PTPRD: variants seen among roughly 807,000 people sequenced by gnomAD.
The protein encoded by PTPRD is receptor-type tyrosine-protein phosphatase delta.
In PTPRD, 34 loss-of-function variants were observed where a neutral mutation model predicts 214.5. The observed-to-expected ratio is 0.16, with a 90% CI of 0.12 to 0.21. PTPRD has a LOEUF of 0.21. Ranked by LOEUF, PTPRD falls within the 10% of genes least tolerant of loss-of-function variation. The pLI, the probability that PTPRD is intolerant of heterozygous loss-of-function variation, is 1.00. For synonymous variants in PTPRD, 1,128 were observed against 845.7 expected (o/e 1.33, Z -5.79); for missense variants, 2,545 against 2,398.7 (o/e 1.06, Z -1.27).
intron 8 of PTPRD, among the ~76,000 whole-genome samples, chr9:9,563,514 T>C (rs2083495263): frequency 6.6e-6 from 1 of 152,150 alleles, no homozygotes; most frequent in East Asian, 1.9e-4. Flanking sequence ...AATACTGTGA[T>C]TGCTGAAGAA....
At chr9:8,365,169 A>C (rs2079508994) in intron 39 of PTPRD, among the ~76,000 whole-genome samples, 2 of 152,152 alleles carry the variant, frequency 1.3e-5, no homozygotes, top group Non-Finnish European at 2.9e-5. Context: ...AGAAGGCTGC[A>C]GGAGGGGAAG....
intron 4 of PTPRD, among the ~76,000 whole-genome samples, chr9:9,942,847 A>G (rs2091835467): frequency 1.3e-5 from 2 of 151,836 alleles, no homozygotes; most frequent in Non-Finnish European, 2.9e-5. Flanking sequence ...TACATTTTCA[A>G]AATGAATGAA....
At chr9:9,724,826 C>G (rs2098047803) in intron 7 of PTPRD, among the ~76,000 whole-genome samples, 1 of 152,082 alleles carries the variant, frequency 6.6e-6, no homozygotes, top group Admixed American at 6.6e-5. Flanking sequence ...CAAGTTCATG[C>G]AGGTAACAAG....
chr9:8,356,968 T>G (rs2077127234), intron 39 of PTPRD, among the ~76,000 whole-genome samples: 1 of 152,180 alleles, frequency 6.6e-6, no homozygotes, highest in Non-Finnish European at 1.5e-5. Flanking sequence ...AGTGGCAGCA[T>G]CTGAAAATCT....
chr9:10,021,396 G>A (rs1306822314), intron 4 of PTPRD, among the ~76,000 whole-genome samples: 1 of 16,582 alleles, frequency 6.0e-5, no homozygotes, highest in Non-Finnish European at 1.1e-4. Context: ...TAATCACGGT[G>A]TAGCTTAGGT....
At chr9:9,298,072 G>T (rs992175781) in intron 9 of PTPRD, among the ~76,000 whole-genome samples, 1 of 151,642 alleles carries the variant, frequency 6.6e-6, no homozygotes, top group African/African-American at 2.4e-5. Context: ...ATGGGTAAAA[G>T]AAAACTCCAC....
At chr9:10,529,520 G>A (rs527315741) in intron 2 of PTPRD, among the ~76,000 whole-genome samples, 1 of 147,348 alleles carries the variant, frequency 6.8e-6, no homozygotes, top group Admixed American at 7.0e-5. Context: ...GTTGAACAAT[G>A]AGAACATATG....
chr9:9,773,655 A>G (rs1055827399), intron 5 of PTPRD, among the ~76,000 whole-genome samples: 5 of 152,204 alleles, frequency 3.3e-5, no homozygotes, highest in Non-Finnish European at 2.9e-5. Context: ...TCTCCAAGTG[A>G]GAGTTTAGCA....
At chr9:9,274,037 C>T (rs898542947) in intron 9 of PTPRD, among the ~76,000 whole-genome samples, 5 of 151,198 alleles carry the variant, frequency 3.3e-5, no homozygotes, top group Non-Finnish European at 7.4e-5. Flanking sequence ...ATGAAACTGC[C>T]TCTTTTATGA....
At chr9:9,764,825 C>A (rs968262734) in intron 6 of PTPRD, among the ~76,000 whole-genome samples, 1 of 152,130 alleles carries the variant, frequency 6.6e-6, no homozygotes, top group Non-Finnish European at 1.5e-5. Flanking sequence ...CCCCAACTGC[C>A]TCACAGTGTA....
chr9:9,740,653 C>G (rs972888010), intron 6 of PTPRD, among the ~76,000 whole-genome samples: 1 of 152,200 alleles, frequency 6.6e-6, no homozygotes, highest in Non-Finnish European at 1.5e-5. Flanking sequence ...CCTGAGCCAC[C>G]GCACCTGGCC....
chr9:8,929,420 G>C (rs1030551839), intron 11 of PTPRD, among the ~76,000 whole-genome samples: 2 of 151,934 alleles, frequency 1.3e-5, no homozygotes, highest in Non-Finnish European at 2.9e-5. Flanking sequence ...TTTTATCAAA[G>C]GCCTTTTCTG....
At chr9:8,978,893 T>C (rs2099287184) in intron 11 of PTPRD, among the ~76,000 whole-genome samples, 1 of 152,158 alleles carries the variant, frequency 6.6e-6, no homozygotes, top group Admixed American at 6.6e-5. Context: ...CGTCTAACAC[T>C]TTGCAAGGCA....
Position 9,949,350 on chromosome 9 carries a change from C to G in PTPRD, c.-471-10740G>C, listed in dbSNP as rs114140648. ...ATTATAAGACTTAAAAATTATCTCC[C>G]ATTAACACCTTCTTAATTATTTGAT... On this transcript the variant is annotated intron_variant, in intron 4 of 45. Coordinates refer to ENST00000381196, the MANE Select transcript of PTPRD (RefSeq NM_002839.4). 2.7e-3 allele frequency among the ~76,000 whole-genome samples: 407 copies of G among 152,102 alleles called. 3 individuals carry two copies. The highest frequency in any genetic ancestry group is 8.8e-3 in the African/African-American group (367 of 41,522).
At chr9:9,737,919 C>A (rs202100996) in intron 6 of PTPRD, among the ~76,000 whole-genome samples, 8 of 152,188 alleles carry the variant, frequency 5.3e-5, no homozygotes, top group East Asian at 1.9e-4. Context: ...TCCACAGCAA[C>A]TGCATCATTT....
intron 3 of PTPRD, among the ~76,000 whole-genome samples, chr9:10,322,597 C>G (rs1190841052): frequency 6.6e-6 from 1 of 152,000 alleles, no homozygotes; most frequent in African/African-American, 2.4e-5. Context: ...TTATACTTGT[C>G]ACTTCCATTT....
chr9:8,820,662 G>C (rs2154526474), intron 11 of PTPRD, among the ~76,000 whole-genome samples: 1 of 151,904 alleles, frequency 6.6e-6, no homozygotes, highest in East Asian at 1.9e-4. Flanking sequence ...GTAATATTTT[G>C]TATTTAAAGA....
At chr9:8,917,614 C>T (rs2154266577) in intron 11 of PTPRD, among the ~76,000 whole-genome samples, 1 of 152,206 alleles carries the variant, frequency 6.6e-6, no homozygotes, top group Middle Eastern at 3.4e-3. Flanking sequence ...CCTATTTTCT[C>T]AGCCAATCTG....
chr9:9,325,435 T>C (rs1241550794), intron 9 of PTPRD, among the ~76,000 whole-genome samples: 1 of 152,176 alleles, frequency 6.6e-6, no homozygotes, highest in Non-Finnish European at 1.5e-5. Flanking sequence ...TTCCTAAGAA[T>C]TTTATTCCCT....
Sources: gnomAD v4.1 joint callset for allele counts (sites outside exome capture counted in the v4.1 genomes callset) on GRCh38, gnomAD v4.1.1 for gene constraint, MANE v1.5 for transcripts, NCBI Gene and HGNC (gene_info 2026-07-23, HGNC 2026-07-21) for gene names.